Variants in ANKS1B observed in about 807,000 individuals in gnomAD.
The protein encoded by ANKS1B is ankyrin repeat and sterile alpha motif domain-containing protein 1B.
Under a neutral mutation model 148.3 loss-of-function variants are expected in ANKS1B, and 36 were observed. That is an observed-to-expected ratio of 0.24 (90% confidence interval 0.19 to 0.32). ANKS1B has a LOEUF of 0.32. Ranked by LOEUF, ANKS1B falls within the 10% of genes least tolerant of loss-of-function variation. The probability of loss-of-function intolerance (pLI) is 1.00; values close to 1 mark genes in which losing one functional copy is unlikely to be tolerated. For synonymous variants in ANKS1B, 542 were observed against 560.8 expected, an observed-to-expected ratio of 0.97 and a Z score of 0.47; for missense variants, 1,157 against 1,542.6, an observed-to-expected ratio of 0.75 and a Z score of 4.19.
intron 8 of ANKS1B, among the ~76,000 whole-genome samples, chr12:99,726,905 T>C (rs933170643): frequency 3.3e-5 from 5 of 152,102 alleles, no homozygotes; most frequent in Admixed American, 1.3e-4. Flanking sequence ...ATTATCTCAA[T>C]AGATGCAGAA....
chr12:99,136,993 A>G (rs1208461121), intron 15 of ANKS1B, among the ~76,000 whole-genome samples: 1 of 152,120 alleles, frequency 6.6e-6, no homozygotes, highest in Non-Finnish European at 1.5e-5. Context: ...GCATCTACTC[A>G]TTCACTTGCT....
chr12:99,697,331 T>C (rs1463929256), intron 8 of ANKS1B, among the ~76,000 whole-genome samples: 1 of 152,168 alleles, frequency 6.6e-6, no homozygotes, highest in Non-Finnish European at 1.5e-5. Context: ...TGGAAGCAAC[T>C]AAAATGTCTT....
At chr12:99,375,617 T>C (rs188829963) in intron 12 of ANKS1B, among the ~76,000 whole-genome samples, 2 of 152,024 alleles carry the variant, frequency 1.3e-5, no homozygotes, top group East Asian at 3.9e-4. Context: ...TAATAACTAA[T>C]CAAATTTCCA....
At chr12:99,461,201 T>C (rs1293672326) in intron 10 of ANKS1B, among the ~76,000 whole-genome samples, 1 of 152,112 alleles carries the variant, frequency 6.6e-6, no homozygotes, top group Non-Finnish European at 1.5e-5. Flanking sequence ...ACATATGTTC[T>C]CACTCATAAG....
chr12:99,542,830 A>T (rs2097139097), intron 9 of ANKS1B, among the ~76,000 whole-genome samples: 1 of 152,218 alleles, frequency 6.6e-6, no homozygotes, highest in African/African-American at 2.4e-5. Context: ...AATGTACAAA[A>T]ATGAACTCAA....
At chr12:99,872,921 AG>A (rs2091689187) in intron 1 of ANKS1B, among the ~76,000 whole-genome samples, 1 of 152,138 alleles carries the variant, frequency 6.6e-6, no homozygotes, top group South Asian at 2.1e-4. Context: ...CATTATAAAA[AG>A]AAGTTTTGTC....
chr12:99,564,319 A>G (rs1174627711), intron 9 of ANKS1B, among the ~76,000 whole-genome samples: 1 of 152,102 alleles, frequency 6.6e-6, no homozygotes, highest in Non-Finnish European at 1.5e-5. Context: ...ATGCAATGCA[A>G]TTAAAGAGAA....
intron 1 of ANKS1B, among the ~76,000 whole-genome samples, chr12:99,935,304 T>C (rs1311080228): frequency 2.0e-5 from 3 of 150,886 alleles, no homozygotes; most frequent in Middle Eastern, 3.4e-3. Flanking sequence ...AAAGTGATAG[T>C]TTAGAAGCTT....
chr12:99,903,155 G>A (rs2093660522), intron 1 of ANKS1B, among the ~76,000 whole-genome samples: 1 of 152,166 alleles, frequency 6.6e-6, no homozygotes, highest in Admixed American at 6.5e-5. Flanking sequence ...CATGTTTTGA[G>A]AAAAAGAGGA....
chr12:99,456,642 A>G (rs916509640), intron 10 of ANKS1B, among the ~76,000 whole-genome samples: 1 of 152,208 alleles, frequency 6.6e-6, no homozygotes, highest in Non-Finnish European at 1.5e-5. Context: ...AAGTCTCACA[A>G]TAGAATCAAA....
At chr12:99,311,445 A>G (rs1566863856) in intron 12 of ANKS1B, among the ~76,000 whole-genome samples, 1 of 152,178 alleles carries the variant, frequency 6.6e-6, no homozygotes, top group Non-Finnish European at 1.5e-5. Flanking sequence ...TGAAGGTATA[A>G]AATGTAATTT....
At chr12:99,931,663 G>A (rs1347820804) in intron 1 of ANKS1B, among the ~76,000 whole-genome samples, 2 of 152,102 alleles carry the variant, frequency 1.3e-5, no homozygotes, top group African/African-American at 4.8e-5. Context: ...TGGGTACATA[G>A]TGTATGTATT....
At chr12:99,109,277 A>G (rs1024457570) in intron 15 of ANKS1B, among the ~76,000 whole-genome samples, 1 of 152,188 alleles carries the variant, frequency 6.6e-6, no homozygotes, top group South Asian at 2.1e-4. Flanking sequence ...AGCAATTCCT[A>G]TTGTGGGCTT....
intron 4 of ANKS1B, among the ~76,000 whole-genome samples, chr12:99,783,893 C>T (rs2064666451): frequency 6.6e-6 from 1 of 152,020 alleles, no homozygotes. Flanking sequence ...GTTCCCAACA[C>T]AAATAAATGG....
At chr12:99,283,293 T>C (rs1170836483) in intron 12 of ANKS1B, among the ~76,000 whole-genome samples, 1 of 152,200 alleles carries the variant, frequency 6.6e-6, no homozygotes, top group Non-Finnish European at 1.5e-5. Context: ...TGCTTCCTTC[T>C]ATTTTTTGGC....
intron 1 of ANKS1B, among the ~76,000 whole-genome samples, chr12:99,850,039 T>C (rs1393766879): frequency 1.3e-5 from 2 of 152,146 alleles, no homozygotes; most frequent in Non-Finnish European, 2.9e-5. Context: ...TGAAAAATTA[T>C]AGAATTGGAT....
intron 15 of ANKS1B, among the ~76,000 whole-genome samples, chr12:99,122,703 G>C (rs553188956): frequency 6.6e-6 from 1 of 152,244 alleles, no homozygotes; most frequent in East Asian, 1.9e-4. Context: ...TTTCAGAGTT[G>C]CTATAACAAC....
At chr12:99,144,060 G>T (rs139079626) in intron 15 of ANKS1B, among the ~76,000 whole-genome samples, 1 of 151,898 alleles carries the variant, frequency 6.6e-6, no homozygotes, top group Non-Finnish European at 1.5e-5. Context: ...TTTGTGAGGG[G>T]GTAAAGATAA....
At chr12:99,735,201 C>T (rs1455449640) in intron 8 of ANKS1B, among the ~76,000 whole-genome samples, 1 of 151,964 alleles carries the variant, frequency 6.6e-6, no homozygotes, top group Non-Finnish European at 1.5e-5. Flanking sequence ...AATGATGCAC[C>T]TAAAGGAATT....
Sources: allele counts gnomAD v4.1 joint callset (sites outside exome capture counted in the v4.1 genomes callset), GRCh38; gene constraint gnomAD v4.1.1; transcripts MANE v1.5; gene names NCBI Gene and HGNC (gene_info 2026-07-23, HGNC 2026-07-21).